The following MAP3K2 variants were observed in gnomAD, a reference collection of about 807,000 sequenced individuals.
MAP3K2 encodes the protein mitogen-activated protein kinase kinase kinase 2.
Under a neutral mutation model 80.3 loss-of-function variants are expected in MAP3K2, and 24 were observed. The ratio of observed to expected loss-of-function variants is 0.30; its 90% CI spans 0.22 to 0.42. MAP3K2 has a LOEUF of 0.42. MAP3K2 is among the 10% of genes least tolerant of loss of function. The pLI is 1.00. For missense variants in MAP3K2, 608 were observed against 750.1 expected, an observed-to-expected ratio of 0.81 and a Z score of 2.21; for synonymous variants, 244 against 253.7, an observed-to-expected ratio of 0.96 and a Z score of 0.36.
At position 127,387,499 on chromosome 2, in the gene MAP3K2, G is replaced by T; in HGVS notation, c.-113C>A. The T allele has an allele frequency of 6.1e-6, 6 of 984,916 alleles. No individual in the cohort carries two copies. The highest frequency in any genetic ancestry group is 7.2e-6 in the Non-Finnish European group (6 of 829,792). The allele number at this position is 984,916 out of a possible 1,614,324, so 61.0% of individuals were successfully genotyped here. On this transcript the variant is annotated 5_prime_UTR_variant, in exon 1 of 17. Coordinates refer to ENST00000682094, the MANE Select transcript of MAP3K2 (RefSeq NM_001371910.2). ...AGAGCCGCAGGCCCAAGGAGGGGCC[G>T]CCCCCGCCGAGCCCGCCCCTCCGCC...
chr2:127,372,253 C>T (rs1574006788), intron 1 of MAP3K2, among the ~76,000 whole-genome samples: 1 of 152,084 alleles, frequency 6.6e-6, no homozygotes, highest in African/African-American at 2.4e-5. Flanking sequence ...TATTTCTTCC[C>T]CCGGGATCAA....
rs1312071712 is a variant in MAP3K2 at position 127,387,891 on chromosome 2, G to A, written c.-505C>T. 4.1e-6 allele frequency: 4 copies of A among 981,956 alleles called. No individual in the cohort carries two copies. The highest frequency in any genetic ancestry group is 3.6e-6 in the Non-Finnish European group (3 of 827,130). The allele number at this position is 981,956 out of a possible 1,614,324, so 60.8% of individuals were successfully genotyped here. On this transcript the variant is annotated 5_prime_UTR_variant, in exon 1 of 17. Coordinates refer to ENST00000682094, the MANE Select transcript of MAP3K2 (RefSeq NM_001371910.2). ...GCCGCGGGCCGTGCAACCCCCGAAC[G>A]CTGCGCCCAGCGGCCGCGGCACCCT...
Position 127,325,739 on chromosome 2 carries a change from A to C in MAP3K2, c.666T>G (p.Ser222Arg), listed in dbSNP as rs1686122003. The C allele has an allele frequency of 1.2e-6, 2 of 1,611,492 alleles. No individual in the cohort carries two copies. Among genetic ancestry groups the C allele is most frequent in the Non-Finnish European group, 1.7e-6 (2 of 1,177,910 alleles). ...SGSGSCPSLD[S>R]PLDGESYPKS... is the part of the protein sequence containing the mutation. ...ACGATAAACATTACCCATCCAAAGG[A>C]CTATCAAGTGATGGACAACTTCCTG... is the stretch of plus-strand genomic sequence containing the variant. The change falls in exon 9 of 17, where the codon AGT (serine) becomes AGG (arginine). Residue 222 changes from serine (S) to arginine (R), a missense_variant. Physicochemically the swap from Ser to Arg is moderately radical, Grantham distance 110. Transcript: ENST00000682094.
intron 1 of MAP3K2, among the ~76,000 whole-genome samples, chr2:127,377,889 G>A (rs1229304906): frequency 2.0e-5 from 3 of 152,272 alleles, no homozygotes; most frequent in East Asian, 1.9e-4. Flanking sequence ...AGATTCAACT[G>A]CAGAATAAAA....
At chr2:127,330,644 T>C (rs976164777) in intron 5 of MAP3K2, 139 bp from the exon 6 acceptor site, 3 of 472,664 alleles carry the variant, frequency 6.3e-6, no homozygotes, top group Middle Eastern at 2.9e-4. Context: ...TGAATGTGTA[T>C]GTGTATATTG....
chr2:127,333,545 C>T (rs991238476), intron 5 of MAP3K2, among the ~76,000 whole-genome samples: 1 of 152,052 alleles, frequency 6.6e-6, no homozygotes, highest in South Asian at 2.1e-4. Flanking sequence ...TCTTTAGTAC[C>T]CCCAGTGTCC....
chr2:127,361,312 C>CAA (rs1233881088), intron 1 of MAP3K2, among the ~76,000 whole-genome samples: 1,426 of 65,610 alleles, frequency 0.022, 52 homozygotes, highest in African/African-American at 0.07. Flanking sequence ...CACTCTGTCT[C>CAA]AAAAAAAAAA....
intron 1 of MAP3K2, among the ~76,000 whole-genome samples, chr2:127,361,957 C>T (rs2104874110): frequency 6.6e-6 from 1 of 152,314 alleles, no homozygotes; most frequent in South Asian, 2.1e-4. Context: ...AACACAAACA[C>T]CTGACACCTT....
At position 127,303,328 on chromosome 2, in the gene MAP3K2, A is replaced by G. The variant is rs1420098933; in HGVS notation, c.*4251T>C. Reference sequence around the variant, plus strand: ...TTTTCTTTAAAAGAGACACTGGGGAAAAAAAAAAAAAAGAACAAAAAAACA... The same window carrying G: ...TTTTCTTTAAAAGAGACACTGGGGAGAAAAAAAAAAAAGAACAAAAAAACA... On this transcript the variant is annotated 3_prime_UTR_variant, in exon 17 of 17. Transcript: ENST00000682094. The G allele has an allele frequency of 7.0e-6, 1 of 143,674 alleles. No individual in the cohort carries two copies. Among genetic ancestry groups the G allele is most frequent in the African/African-American group, 2.8e-5 (1 of 36,132 alleles). The allele number at this position is 143,674 out of a possible 1,614,324, so 8.9% of individuals were successfully genotyped here.
chr2:127,317,767 G>T lies in MAP3K2; in HGVS notation c.1195-7C>A, dbSNP rs534219480. On this transcript the variant is annotated splice_region_variant and splice_polypyrimidine_tract_variant and intron_variant, in intron 13 of 16. Coordinates refer to ENST00000682094, the MANE Select transcript of MAP3K2 (RefSeq NM_001371910.2). ...ACTCAAGTGCATTTACTTCCTGAAA[G>T]AGAGAATTCATTGTTAAGTCTTCAA... The T allele has an allele frequency of 3.5e-5, 56 of 1,596,730 alleles. No homozygotes were observed. Among genetic ancestry groups the T allele is most frequent in the Middle Eastern group, 1.7e-4 (1 of 6,058 alleles).
intron 1 of MAP3K2, among the ~76,000 whole-genome samples, chr2:127,381,753 T>C (rs564629266): frequency 6.6e-6 from 1 of 152,360 alleles, no homozygotes; most frequent in South Asian, 2.1e-4. Context: ...ATAATGGGAC[T>C]GCACAGTGTA....
chr2:127,369,088 C>T (rs1485361461), intron 1 of MAP3K2, among the ~76,000 whole-genome samples: 3 of 147,396 alleles, frequency 2.0e-5, no homozygotes, highest in African/African-American at 7.6e-5. Flanking sequence ...GCTGGGATTA[C>T]AGGCACGCAT....
rs764874249 is a variant in MAP3K2 at position 127,325,773 on chromosome 2, T to C, written c.632A>G (p.Asn211Ser). ...TGATGGACAACTTCCTGAGCCAGAA[T>C]TTTCAGGGCTGCTTAAAGATAATGG... ...LDPLSLSSPENSGSGSCPSLD... is the reference protein window; with the variant it reads ...LDPLSLSSPESSGSGSCPSLD... The change falls in exon 9 of 17, where the codon AAT becomes AGT. Residue 211 changes from asparagine (N) to serine (S), a missense_variant. Around this residue, in one of 4 missense-constraint regions of MAP3K2, gnomAD observed 467 missense variants for 521.9 expected, o/e 0.89. Transcript: ENST00000682094. The C allele has an allele frequency of 2.5e-6, 4 of 1,613,534 alleles. No homozygotes were observed. The Admixed American group carries it at 6.7e-5, about 27-fold the overall frequency.
rs1202751112 is a variant in MAP3K2 at position 127,307,224 on chromosome 2, ATG to A, written c.*353_*354del. ...TTTCCATGTCTTCCCATCGTCACTG[ATG>A]TGTCAGTGATAGAGGGAATGACTCT... is the stretch of plus-strand genomic sequence containing the variant. On this transcript the variant is annotated 3_prime_UTR_variant, in exon 17 of 17. Coordinates refer to ENST00000682094, the MANE Select transcript of MAP3K2 (RefSeq NM_001371910.2). This position sits in a 1 kb window ranked among gnomAD's most constrained non-coding sequence, Gnocchi z 5.4. The A allele has an allele frequency of 6.4e-6, 1 of 156,194 alleles. No homozygotes were observed. The highest frequency in any genetic ancestry group is 1.4e-5 in the Non-Finnish European group (1 of 70,540). The allele number at this position is 156,194 out of a possible 1,614,324, so 9.7% of individuals were successfully genotyped here. A position where few individuals can be genotyped will look rare whatever the true frequency, so the allele number is the denominator to read the frequency against.
chr2:127,370,262 T>A (rs1558989913), intron 1 of MAP3K2, among the ~76,000 whole-genome samples: 1 of 152,170 alleles, frequency 6.6e-6, no homozygotes, highest in Non-Finnish European at 1.5e-5. Context: ...TACACCCTCC[T>A]CAGTGTCTGT....
At chr2:127,354,769 T>C (rs1686768838) in intron 1 of MAP3K2, among the ~76,000 whole-genome samples, 1 of 152,040 alleles carries the variant, frequency 6.6e-6, no homozygotes, top group African/African-American at 2.4e-5. Context: ...GCCAGTCAAC[T>C]AATAATAACA....
At position 127,384,108 on chromosome 2, in the gene MAP3K2, G is replaced by A. The variant is rs560521299; in HGVS notation, c.-66+3344C>T. On this transcript the variant is annotated intron_variant, in intron 1 of 16. Coordinates refer to ENST00000682094, the MANE Select transcript of MAP3K2 (RefSeq NM_001371910.2). ...GACGGGGTTTCATCCTGTTAGCCAGGATGGTCTTGATCTCCTGACCTCGTG... is the reference window on the plus strand; with the variant it reads ...GACGGGGTTTCATCCTGTTAGCCAGAATGGTCTTGATCTCCTGACCTCGTG... Among the ~76,000 whole-genome samples the A allele has an allele frequency of 8.6e-5, 13 of 151,590 alleles. No homozygotes were observed. In the East Asian group the frequency reaches 1.7e-3, roughly 20 times the overall value.
At chr2:127,333,897 G>C (rs550202412) in intron 5 of MAP3K2, among the ~76,000 whole-genome samples, 1 of 152,128 alleles carries the variant, frequency 6.6e-6, no homozygotes, top group South Asian at 2.1e-4. Flanking sequence ...TCAGGAGTTT[G>C]AGACCAGTCT....
intron 1 of MAP3K2, among the ~76,000 whole-genome samples, chr2:127,366,707 C>A (rs1195883046): frequency 6.6e-6 from 1 of 152,028 alleles, no homozygotes; most frequent in African/African-American, 2.4e-5. Context: ...AAGATCTTCA[C>A]CCCACTCCCT....
Sources: gnomAD v4.1 joint callset for allele counts (sites outside exome capture counted in the v4.1 genomes callset) on GRCh38, gnomAD v4.1.1 for gene constraint, gnomAD v4.1.1 regional missense constraint, Gnocchi (gnomAD v3.1) non-coding constraint, MANE v1.5 for transcripts, NCBI Gene and HGNC (gene_info 2026-07-23, HGNC 2026-07-21) for gene names.